CENPC: variants seen among roughly 807,000 people sequenced by gnomAD.
CENPC encodes the protein CENP-C 1.
Under a neutral mutation model 112.1 loss-of-function variants are expected in CENPC, and 63 were observed. The observed-to-expected ratio is 0.56, with a 90% confidence interval of 0.46 to 0.69. The LOEUF (loss-of-function observed/expected upper bound fraction) is 0.69, where lower values mean the gene tolerates loss of function less well. Ranked by LOEUF, CENPC falls within the 30% of genes least tolerant of loss-of-function variation. The pLI, the probability that CENPC is intolerant of heterozygous loss-of-function variation, is 0.00. For missense variants in CENPC, 1,000 were observed against 1,103.8 expected (o/e 0.91, Z 1.33); for synonymous variants, 333 against 367.6 (o/e 0.91, Z 1.08).
chr4:67,486,968 G>GTTTTTTTTTTT lies in CENPC; in HGVS notation c.2670+2988_2670+2998dup, dbSNP rs58948980. Among the ~76,000 whole-genome samples, 15 of 131,830 alleles carry GTTTTTTTTTTT rather than the reference G, an allele frequency of 1.1e-4. 4 individuals carry two copies. Among genetic ancestry groups the GTTTTTTTTTTT allele is most frequent in the Non-Finnish European group, 1.3e-4 (8 of 63,732 alleles). The allele number at this position is 131,830 out of a possible 152,430, so 86.5% of individuals were successfully genotyped here. On this transcript the variant is annotated intron_variant, in intron 17 of 18. Transcript: ENST00000273853. The stretch of plus-strand genomic sequence containing the variant: ...ATTCAGGTTTTGTATTTGCTTTTAG[G>GTTTTTTTTTTT]TTTTTTTTTTTTTTTTTCTTTTTTA...
At chr4:67,529,022 A>T (rs1391609160) in intron 5 of CENPC, among the ~76,000 whole-genome samples, 1 of 152,196 alleles carries the variant, frequency 6.6e-6, no homozygotes, top group Non-Finnish European at 1.5e-5. Context: ...TAGTGAGTGT[A>T]AAGTGGTATC....
intron 12 of CENPC, among the ~76,000 whole-genome samples, chr4:67,496,962 G>A (rs1725449556): frequency 1.5e-5 from 2 of 133,048 alleles, no homozygotes; most frequent in African/African-American, 2.9e-5. Flanking sequence ...CATCTCTGTT[G>A]GAAATTCTCC....
chr4:67,537,013 T>A, intron 4 of CENPC, among the ~76,000 whole-genome samples: 1 of 132,890 alleles, frequency 7.5e-6, no homozygotes, highest in Non-Finnish European at 1.6e-5. Context: ...CATACCAAGA[T>A]CCCTACCTCT....
chr4:67,510,386 C>T (rs923133759), intron 9 of CENPC, among the ~76,000 whole-genome samples: 2 of 152,180 alleles, frequency 1.3e-5, no homozygotes, highest in African/African-American at 4.8e-5. Context: ...AGCTTGCTAT[C>T]ACACATACGA....
At chr4:67,481,990 G>A (rs190907841) in intron 17 of CENPC, among the ~76,000 whole-genome samples, 56 of 152,198 alleles carry the variant, frequency 3.7e-4, no homozygotes, top group African/African-American at 1.3e-3. Context: ...AACCCAGAGT[G>A]AAAGAAAATA....
intron 5 of CENPC, among the ~76,000 whole-genome samples, chr4:67,525,098 T>C (rs1196193507): frequency 6.6e-6 from 1 of 152,182 alleles, no homozygotes; most frequent in Non-Finnish European, 1.5e-5. Context: ...GTTTAACAAA[T>C]GGTGCTGGGA....
intron 12 of CENPC, among the ~76,000 whole-genome samples, chr4:67,496,086 C>T (rs1725424056): frequency 6.6e-6 from 1 of 152,088 alleles, no homozygotes; most frequent in Admixed American, 6.6e-5. Context: ...TAGGGGAAGA[C>T]AGCAACAATA....
intron 4 of CENPC, among the ~76,000 whole-genome samples, chr4:67,533,157 CA>C (rs1324470138): frequency 2.0e-5 from 3 of 152,154 alleles, no homozygotes; most frequent in Non-Finnish European, 4.4e-5. Context: ...GGAAGGCGCC[CA>C]GGGGGAGACA....
intron 9 of CENPC, among the ~76,000 whole-genome samples, chr4:67,509,512 T>C (rs1725837407): frequency 2.6e-5 from 4 of 152,142 alleles, no homozygotes; most frequent in African/African-American, 9.7e-5. Flanking sequence ...ACACCTATAA[T>C]ATCCATCTAC....
intron 4 of CENPC, among the ~76,000 whole-genome samples, chr4:67,532,453 T>C (rs1726583077): frequency 1.3e-5 from 2 of 152,186 alleles, no homozygotes; most frequent in Non-Finnish European, 2.9e-5. Flanking sequence ...CACACGTATG[T>C]TTATTGCAGC....
chr4:67,545,237 G>A, intron 1 of CENPC, 101 bp downstream of exon 1: 4 of 1,199,390 alleles, frequency 3.3e-6, no homozygotes, highest in Non-Finnish European at 4.4e-6. Context: ...ATCCCTCAGA[G>A]ATCACAGCCT....
In CENPC at chr4:67,506,819, C is replaced by T. The variant is rs199856009; in HGVS notation, c.2020G>A (p.Gly674Arg). The T allele has an allele frequency of 3.5e-5, 57 of 1,609,518 alleles. No homozygotes were observed. The highest frequency in any genetic ancestry group is 4.0e-5 in the Non-Finnish European group (47 of 1,178,106). Residue 674 changes from glycine to arginine, a missense_variant, in exon 11 of 19, where the codon GGA becomes AGA. Coordinates refer to ENST00000273853, the MANE Select transcript of CENPC (RefSeq NM_001812.4). ...TCTAAAACTGAAGTCTTATGCTCTCCAGAATCCAAGTTTGACTCTGTTGGT... is the reference window on the plus strand; with the variant it reads ...TCTAAAACTGAAGTCTTATGCTCTCTAGAATCCAAGTTTGACTCTGTTGGT... ...NIPTESNLDS[G>R]EHKTSVLEES...
rs775784756 is a variant in CENPC at position 67,519,495 on chromosome 4, G to A, written c.339C>T (p.Ala113=). 17 of 1,528,736 alleles carry A rather than the reference G, an allele frequency of 1.1e-5. No individual in the cohort carries two copies. In the African/African-American group the frequency reaches 1.4e-4, roughly 12 times the overall value. 94.7% of individuals were successfully genotyped at this position (1,528,736 alleles called of 1,614,324 possible). ...PSEATNRSVQ[A]HEVHQKILAT... ...CCAGAATTTTCTGATGAACTTCATG[G>A]GCCTGAACTAGAAGAAAATTATATA... Residue 113 remains alanine, a synonymous_variant, in exon 6 of 19, where the codon GCC becomes GCT. Coordinates refer to ENST00000273853, the MANE Select transcript of CENPC (RefSeq NM_001812.4).
chr4:67,492,888 A>C lies in CENPC; in HGVS notation c.2400T>G (p.Cys800Trp). 1 of 1,568,870 alleles carries C rather than the reference A, an allele frequency of 6.4e-7. No homozygotes were observed. Among genetic ancestry groups the C allele is most frequent in the Non-Finnish European group, 8.7e-7 (1 of 1,152,340 alleles). The change falls in exon 15 of 19, where the codon TGT becomes TGG. Residue 800 changes from cysteine (C) to tryptophan (W), a missense_variant. By Grantham distance (215) the Cys-to-Trp change is radical (BLOSUM62 -2). Coordinates refer to ENST00000273853, the MANE Select transcript of CENPC (RefSeq NM_001812.4). ...VNKKSNKKRI[C>W]LDNDERKTNL... The stretch of plus-strand genomic sequence containing the variant: ...TCATACTTCTTTCATCGTTATCAAG[A>C]CAGATCCTTTTCTTATTAGATTTTT...
At chr4:67,535,995 T>C (rs1726707868) in intron 4 of CENPC, among the ~76,000 whole-genome samples, 1 of 152,164 alleles carries the variant, frequency 6.6e-6, no homozygotes, top group African/African-American at 2.4e-5. Context: ...ACATAATGCC[T>C]TTGAGCTTTA....
chr4:67,544,242 G>A (rs765220108), intron 1 of CENPC, 47 bp from the exon 2 acceptor site: 70 of 1,055,580 alleles, frequency 6.6e-5, no homozygotes, highest in Non-Finnish European at 9.5e-5. Flanking sequence ...AGATAGAGTC[G>A]AGTAAAATTT....
chr4:67,494,055 A>G, intron 13 of CENPC, 67 bp from the exon 14 acceptor site: 1 of 828,330 alleles, frequency 1.2e-6, no homozygotes, highest in African/African-American at 1.7e-5. Context: ...CAGTGGAAAG[A>G]CTGTCTTTTA....
In CENPC at chr4:67,478,966, A is replaced by T. The variant is rs186011374; in HGVS notation, c.2671-3988T>A. Among the ~76,000 whole-genome samples the T allele has an allele frequency of 1.7e-4, 26 of 152,330 alleles. 1 individual carries two copies. The highest frequency in any genetic ancestry group is 8.8e-5 in the Non-Finnish European group (6 of 68,030). On this transcript the variant is annotated intron_variant, in intron 17 of 18. Coordinates refer to ENST00000273853, the MANE Select transcript of CENPC (RefSeq NM_001812.4). ...AGACTTTAAAGCAACAGCAGTTAAA[A>T]AGACAAAGAAGGCCATTATGTAATA...
chr4:67,477,220 G>A (rs1454771739), intron 17 of CENPC, among the ~76,000 whole-genome samples: 1 of 152,142 alleles, frequency 6.6e-6, no homozygotes, highest in Non-Finnish European at 1.5e-5. Context: ...CTGGTGGCCA[G>A]CCACCTGCTA....
Sources: gnomAD v4.1 joint callset for allele counts (sites outside exome capture counted in the v4.1 genomes callset) on GRCh38, gnomAD v4.1.1 for gene constraint, MANE v1.5 for transcripts, NCBI Gene and HGNC (gene_info 2026-07-23, HGNC 2026-07-21) for gene names.